Variants in TENM2 observed in about 807,000 individuals in gnomAD.
The protein encoded by TENM2 is teneurin-2.
In TENM2, 52 loss-of-function variants were observed where a neutral mutation model predicts 245.2. The observed-to-expected ratio is 0.21, with a 90% CI of 0.17 to 0.27. TENM2 has a LOEUF of 0.27. Among genes scored for constraint, TENM2 ranks in the 10% least tolerant of loss-of-function variants. The pLI is 1.00. For missense variants in TENM2, 3,046 were observed against 3,666.8 expected, an observed-to-expected ratio of 0.83 and a Z score of 4.37; for synonymous variants, 1,363 against 1,438.9, an observed-to-expected ratio of 0.95 and a Z score of 1.19.
At chr5:168,158,338 A>G (rs560538969) in intron 12 of TENM2, among the ~76,000 whole-genome samples, 13 of 152,228 alleles carry the variant, frequency 8.5e-5, no homozygotes, top group African/African-American at 2.9e-4. Context: ...TTATCTTCTC[A>G]TGATTCTCAG....
chr5:168,261,561 G>T (rs1348573998), intron 28 of TENM2, among the ~76,000 whole-genome samples: 1 of 152,204 alleles, frequency 6.6e-6, no homozygotes, highest in Non-Finnish European at 1.5e-5. Context: ...GGAAGTTAAT[G>T]AATATCCAAG....
At chr5:167,550,699 A>AGC (rs1772875813) in intron 2 of TENM2, among the ~76,000 whole-genome samples, 1 of 114,190 alleles carries the variant, frequency 8.8e-6, no homozygotes, top group African/African-American at 3.5e-5. Flanking sequence ...TGTTGTTGTT[A>AGC]GTGTGTGTGT....
chr5:167,678,031 G>T (rs918253135), intron 2 of TENM2, among the ~76,000 whole-genome samples: 3 of 151,906 alleles, frequency 2.0e-5, no homozygotes, highest in African/African-American at 4.8e-5. Context: ...TATATTTGTG[G>T]TATATTGTAA....
At chr5:167,217,736 A>C in the TENM2 span, among the ~76,000 whole-genome samples, 4 of 145,396 alleles carry the variant, frequency 2.8e-5, no homozygotes, top group African/African-American at 1.0e-4. Context: ...ATATATATAT[A>C]ATATATGTGA....
At chr5:167,180,628 A>AAGCTTG in the TENM2 span, among the ~76,000 whole-genome samples, 1 of 152,270 alleles carries the variant, frequency 6.6e-6, no homozygotes, top group South Asian at 2.1e-4. Flanking sequence ...TGTTGAACGG[A>AAGCTTG]AGCTTGACTG....
the TENM2 span, among the ~76,000 whole-genome samples, chr5:167,211,502 C>T: frequency 6.6e-6 from 1 of 152,088 alleles, no homozygotes; most frequent in African/African-American, 2.4e-5. Flanking sequence ...TATGGGTTTC[C>T]TTAGAAATAT....
At chr5:168,007,993 A>G (rs1483784032) in intron 5 of TENM2, among the ~76,000 whole-genome samples, 1 of 152,154 alleles carries the variant, frequency 6.6e-6, no homozygotes, top group Non-Finnish European at 1.5e-5. Context: ...ATATTTTAAT[A>G]TTATTGTTCT....
At chr5:168,007,263 G>A (rs1387215579) in intron 5 of TENM2, among the ~76,000 whole-genome samples, 1 of 152,048 alleles carries the variant, frequency 6.6e-6, no homozygotes, top group East Asian at 1.9e-4. Flanking sequence ...CCAGTAGCTG[G>A]GATTACAGGC....
intron 2 of TENM2, among the ~76,000 whole-genome samples, chr5:167,589,860 A>G (rs1195804218): frequency 1.3e-5 from 2 of 151,548 alleles, no homozygotes; most frequent in Non-Finnish European, 2.9e-5. Flanking sequence ...TTAACATTTT[A>G]TTTATAAAAC....
the TENM2 span, among the ~76,000 whole-genome samples, chr5:167,066,348 G>A: frequency 6.6e-6 from 1 of 152,122 alleles, no homozygotes; most frequent in South Asian, 2.1e-4. Flanking sequence ...CCATGGGTTA[G>A]TTCCTATCCA....
chr5:167,858,777 G>C (rs1771334557), intron 2 of TENM2, among the ~76,000 whole-genome samples: 1 of 150,496 alleles, frequency 6.6e-6, no homozygotes, highest in Admixed American at 6.6e-5. Context: ...AGCGGGCAGC[G>C]GAGCTGTCTC....
At chr5:167,349,668 C>A (rs1017627947) in intron 1 of TENM2, among the ~76,000 whole-genome samples, 2 of 151,904 alleles carry the variant, frequency 1.3e-5, no homozygotes, top group Non-Finnish European at 2.9e-5. Flanking sequence ...ACAGAATATG[C>A]AGTATATGTG....
intron 4 of TENM2, among the ~76,000 whole-genome samples, chr5:167,979,196 T>C (rs947919499): frequency 2.0e-5 from 3 of 152,128 alleles, no homozygotes; most frequent in African/African-American, 7.2e-5. Context: ...CAGGACTCCT[T>C]TGTTACACAG....
chr5:167,064,356 A>G, the TENM2 span, among the ~76,000 whole-genome samples: 1 of 152,232 alleles, frequency 6.6e-6, no homozygotes, highest in Non-Finnish European at 1.5e-5. Flanking sequence ...TACATTGTGC[A>G]GAAAAGGGAA....
At chr5:167,681,179 A>T (rs1446041167) in intron 2 of TENM2, among the ~76,000 whole-genome samples, 1 of 152,150 alleles carries the variant, frequency 6.6e-6, no homozygotes, top group Non-Finnish European at 1.5e-5. Flanking sequence ...TTTCAATATT[A>T]TTGTTTCAAT....
chr5:167,320,495 A>G (rs1171460665), intron 1 of TENM2, among the ~76,000 whole-genome samples: 3 of 152,196 alleles, frequency 2.0e-5, no homozygotes, highest in Admixed American at 6.5e-5. Flanking sequence ...GCTTAGCCAT[A>G]TAGGAGTGCT....
chr5:167,723,814 A>G (rs892070285), intron 2 of TENM2, among the ~76,000 whole-genome samples: 1 of 152,206 alleles, frequency 6.6e-6, no homozygotes, highest in South Asian at 2.1e-4. Flanking sequence ...TATTGAATGA[A>G]TGAACGAAAG....
chr5:168,090,424 G>C, intron 7 of TENM2, 150 bp from the exon 10 acceptor site: 1 of 545,318 alleles, frequency 1.8e-6, no homozygotes, highest in East Asian at 3.0e-5. Flanking sequence ...TACACATTTT[G>C]CGGCTCTTGT....
At chr5:167,568,621 T>C (rs940256100) in intron 2 of TENM2, among the ~76,000 whole-genome samples, 9 of 150,984 alleles carry the variant, frequency 6.0e-5, no homozygotes, top group Non-Finnish European at 1.0e-4. Flanking sequence ...TGTTTTTCAT[T>C]TGTGCACAGA....
Sources: gnomAD v4.1 joint callset for allele counts (sites outside exome capture counted in the v4.1 genomes callset) on GRCh38, gnomAD v4.1.1 for gene constraint, MANE v1.5 for transcripts, NCBI Gene and HGNC (gene_info 2026-07-23, HGNC 2026-07-21) for gene names.